The following TMEM132D variants were observed in gnomAD, a reference collection of about 807,000 sequenced individuals.
The protein encoded by TMEM132D is transmembrane protein 132D.
TMEM132D carries 21 observed loss-of-function variants against 62.3 expected under a neutral mutation model. The ratio of observed to expected loss-of-function variants is 0.34; its 90% confidence interval spans 0.24 to 0.49. The LOEUF is 0.49. Among genes scored for constraint, TMEM132D ranks in the 20% least tolerant of loss-of-function variants. TMEM132D has a pLI of 0.99. For synonymous variants in TMEM132D, 621 were observed against 575.6 expected, an observed-to-expected ratio of 1.08 and a Z score of -1.13; for missense variants, 1,346 against 1,402.8, an observed-to-expected ratio of 0.96 and a Z score of 0.65.
At chr12:129,758,217 A>T (rs1202871981) in intron 1 of TMEM132D, among the ~76,000 whole-genome samples, 3 of 151,482 alleles carry the variant, frequency 2.0e-5, no homozygotes, top group South Asian at 4.2e-4. Flanking sequence ...CTTTTATTTT[A>T]TTTTTTTTAA....
intron 4 of TMEM132D, among the ~76,000 whole-genome samples, chr12:129,266,827 G>C (rs1277761809): frequency 6.6e-6 from 1 of 151,984 alleles, no homozygotes; most frequent in African/African-American, 2.4e-5. Context: ...CTCTGTCTCT[G>C]CTATCACCAC....
intron 2 of TMEM132D, among the ~76,000 whole-genome samples, chr12:129,636,491 C>A (rs1044797942): frequency 6.6e-6 from 1 of 152,124 alleles, no homozygotes; most frequent in Non-Finnish European, 1.5e-5. Context: ...TGTCCAGAAC[C>A]TGCTTCCTAT....
At chr12:129,468,271 G>C (rs572727702) in intron 3 of TMEM132D, among the ~76,000 whole-genome samples, 1 of 152,118 alleles carries the variant, frequency 6.6e-6, no homozygotes, top group South Asian at 2.1e-4. Flanking sequence ...AAGAGGGGTG[G>C]TGAGCAAAGA....
intron 4 of TMEM132D, among the ~76,000 whole-genome samples, chr12:129,219,857 T>C (rs1879305536): frequency 6.6e-6 from 1 of 152,148 alleles, no homozygotes; most frequent in Non-Finnish European, 1.5e-5. Flanking sequence ...AGGCTCCACA[T>C]CAGTAGGGCT....
At chr12:129,877,501 C>A (rs1593196083) in intron 1 of TMEM132D, among the ~76,000 whole-genome samples, 1 of 152,330 alleles carries the variant, frequency 6.6e-6, no homozygotes, top group Non-Finnish European at 1.5e-5. Flanking sequence ...CAGAGAATCT[C>A]ATTCATCTGG....
chr12:129,087,907 CG>C lies in TMEM132D; in HGVS notation c.1444-3206del, dbSNP rs768962866. Among the ~76,000 whole-genome samples the C allele has an allele frequency of 3.6e-3, 394 of 110,084 alleles. 9 individuals are homozygous for C. Among genetic ancestry groups the C allele is most frequent in the African/African-American group, 0.012 (294 of 24,870 alleles). 72.2% of individuals were successfully genotyped at this position (110,084 alleles called of 152,430 possible). ...CCCTGACCGGGGTGTCCTCCCTGAC[CG>C]GGGTGTCCTCCCTGACCGGGTGTCC... On this transcript the variant is annotated intron_variant, in intron 5 of 8. Transcript: ENST00000422113.
In TMEM132D at chr12:129,717,822, T is replaced by C. The variant is rs1422618222; in HGVS notation, c.80-17124A>G. Among the ~76,000 whole-genome samples, 8 of 152,134 alleles carry C rather than the reference T, an allele frequency of 5.3e-5. No individual in the cohort carries two copies. The East Asian group carries it at 1.5e-3, about 29-fold the overall frequency. On this transcript the variant is annotated intron_variant, in intron 1 of 8. Transcript: ENST00000422113. ...CCAAGAACTCTAGCAATGCCATCTC[T>C]TGTGGCCCTCGCAGGGCTGTCATGT...
intron 2 of TMEM132D, among the ~76,000 whole-genome samples, chr12:129,563,186 G>C (rs942051703): frequency 6.6e-6 from 1 of 152,180 alleles, no homozygotes; most frequent in Non-Finnish European, 1.5e-5. Flanking sequence ...AGGCAGTAGA[G>C]AATAACTGCA....
chr12:129,662,224 C>T (rs188841753), intron 2 of TMEM132D, among the ~76,000 whole-genome samples: 7 of 152,274 alleles, frequency 4.6e-5, no homozygotes, highest in Non-Finnish European at 1.0e-4. Context: ...ATTTAGAGGT[C>T]TTTTTCATAG....
chr12:129,528,536 C>T (rs12049946), intron 3 of TMEM132D, among the ~76,000 whole-genome samples: 32,878 of 151,910 alleles, frequency 0.22, 3,834 homozygotes, highest in East Asian at 0.41. Context: ...CAGTAGAAAT[C>T]GCAGTTGCCA....
chr12:129,477,883 CAG>C (rs928793852), intron 3 of TMEM132D, among the ~76,000 whole-genome samples: 5 of 150,806 alleles, frequency 3.3e-5, no homozygotes, highest in South Asian at 2.1e-4. Context: ...GAGAGAGAGA[CAG>C]AGAGAGAGAG....
chr12:129,526,572 C>T (rs1392091714), intron 3 of TMEM132D, among the ~76,000 whole-genome samples: 3 of 152,202 alleles, frequency 2.0e-5, no homozygotes, highest in East Asian at 3.9e-4. Context: ...CATGAGCCAC[C>T]ACTCCCAGCC....
chr12:129,831,710 C>A (rs1872837600), intron 1 of TMEM132D, among the ~76,000 whole-genome samples: 1 of 152,160 alleles, frequency 6.6e-6, no homozygotes. Context: ...ACAGACCTCA[C>A]CAGCTCTCAG....
intron 2 of TMEM132D, among the ~76,000 whole-genome samples, chr12:129,664,624 A>G (rs575088928): frequency 6.6e-6 from 1 of 151,840 alleles, no homozygotes; most frequent in Non-Finnish European, 1.5e-5. Flanking sequence ...ACGGGGTTTC[A>G]CCGTGTTAGC....
chr12:129,812,404 A>C (rs1454430577), intron 1 of TMEM132D, among the ~76,000 whole-genome samples: 3 of 151,668 alleles, frequency 2.0e-5, no homozygotes, highest in African/African-American at 7.3e-5. Context: ...AACCCAACAC[A>C]ATCATCTTCT....
At chr12:129,526,371 G>C (rs1377135016) in intron 3 of TMEM132D, among the ~76,000 whole-genome samples, 1 of 151,980 alleles carries the variant, frequency 6.6e-6, no homozygotes, top group Non-Finnish European at 1.5e-5. Context: ...CTCAACTTCT[G>C]CCTCCCAGGT....
intron 4 of TMEM132D, among the ~76,000 whole-genome samples, chr12:129,296,835 G>A (rs1346846008): frequency 2.0e-5 from 3 of 152,198 alleles, no homozygotes; most frequent in Non-Finnish European, 2.9e-5. Flanking sequence ...AGGCTGGTGT[G>A]AGTATACACT....
rs182874635 is a variant in TMEM132D at position 129,762,356 on chromosome 12, A to T, written c.80-61658T>A. ...TTAAGATGGGCAGATTGAATTTTTT[A>T]AAAAAAATCAACTGATACTTTTCCA... is the stretch of plus-strand genomic sequence containing the variant. On this transcript the variant is annotated intron_variant, in intron 1 of 8. Coordinates refer to ENST00000422113, the MANE Select transcript of TMEM132D (RefSeq NM_133448.3). Among the ~76,000 whole-genome samples the T allele has an allele frequency of 4.1e-3, 619 of 150,576 alleles. 4 individuals carry two copies. Among genetic ancestry groups the T allele is most frequent in the East Asian group, 0.02 (104 of 5,138 alleles).
intron 6 of TMEM132D, among the ~76,000 whole-genome samples, chr12:129,083,228 C>T (rs1473964576): frequency 6.6e-6 from 1 of 152,136 alleles, no homozygotes; most frequent in African/African-American, 2.4e-5. Flanking sequence ...GCAGAGAGGG[C>T]CAGGATGCTT....
Sources: allele counts gnomAD v4.1 joint callset (sites outside exome capture counted in the v4.1 genomes callset), GRCh38; gene constraint gnomAD v4.1.1; transcripts MANE v1.5; gene names NCBI Gene and HGNC (gene_info 2026-07-23, HGNC 2026-07-21).